FGD3: variants seen among roughly 807,000 people sequenced by gnomAD.
FGD3 encodes the protein FYVE, RhoGEF and PH domain containing 3.
Under a neutral mutation model 71.8 loss-of-function variants are expected in FGD3, and 45 were observed. The ratio of observed to expected loss-of-function variants is 0.63; its 90% CI spans 0.49 to 0.80. The LOEUF (loss-of-function observed/expected upper bound fraction) is 0.80, where lower values mean the gene tolerates loss of function less well. Among genes scored for constraint, FGD3 ranks in the 30% least tolerant of loss-of-function variants. The probability of loss-of-function intolerance (pLI) is 0.00; values close to 1 mark genes in which losing one functional copy is unlikely to be tolerated. For synonymous variants in FGD3, 378 were observed against 392.8 expected, an observed-to-expected ratio of 0.96 and a Z score of 0.44; for missense variants, 844 against 951.5, an observed-to-expected ratio of 0.89 and a Z score of 1.49.
chr9:93,006,419 C>T (rs898589154), intron 6 of FGD3, among the ~76,000 whole-genome samples: 3 of 152,150 alleles, frequency 2.0e-5, no homozygotes, highest in South Asian at 2.1e-4. Context: ...ATCGGAAAAT[C>T]GTGGCTCAAG....
intron 14 of FGD3, among the ~76,000 whole-genome samples, chr9:93,025,483 G>A (rs1445809996): frequency 2.6e-5 from 4 of 152,026 alleles, no homozygotes; most frequent in Non-Finnish European, 4.4e-5. Context: ...GGGTGAATGT[G>A]GTGTGATGGA....
chr9:93,015,906 C>T (rs879258916), intron 10 of FGD3, 77 bp downstream of exon 10: 161 of 1,300,654 alleles, frequency 1.2e-4, no homozygotes, highest in Non-Finnish European at 1.7e-4. Context: ...AGGCTCTGGC[C>T]GCTGAGGCAC....
chr9:93,028,214 A>G (rs200138501), intron 14 of FGD3, among the ~76,000 whole-genome samples: 949 of 88,688 alleles, frequency 0.011, 11 homozygotes, highest in African/African-American at 0.038. Context: ...ACACACACAC[A>G]CACGCACACA....
chr9:93,014,037 C>G, intron 9 of FGD3, 39 bp downstream of exon 9: 1 of 1,575,984 alleles, frequency 6.3e-7, no homozygotes, highest in Non-Finnish European at 8.6e-7. Context: ...CAGAGCCTCC[C>G]TTGCCATTTG....
intron 10 of FGD3, among the ~76,000 whole-genome samples, chr9:93,017,861 C>T (rs1239131034): frequency 7.0e-6 from 1 of 143,812 alleles, no homozygotes. Context: ...GGCTGGGTGT[C>T]GGGGGGGTGG....
intron 1 of FGD3, among the ~76,000 whole-genome samples, chr9:92,956,236 G>A (rs1046449395): frequency 1.3e-5 from 2 of 152,024 alleles, no homozygotes; most frequent in South Asian, 2.1e-4. Context: ...ATGCATTTTC[G>A]TTTCTGTTCT....
At chr9:93,002,869 T>C (rs1177185187) in intron 3 of FGD3, 56 bp from the exon 4 acceptor site, 69 of 1,571,836 alleles carry the variant, frequency 4.4e-5, no homozygotes, top group Non-Finnish European at 5.3e-5. Flanking sequence ...GCCCGTTAGG[T>C]GCCGATTCCC....
rs909640761 is a variant in FGD3, at chr9:93,003,437, T to A, written c.543+423T>A. Among the ~76,000 whole-genome samples, 1 of 152,158 alleles carries A rather than the reference T, an allele frequency of 6.6e-6. No individual in the cohort carries two copies. The highest frequency in any genetic ancestry group is 2.4e-5 in the African/African-American group (1 of 41,454). On this transcript the variant is annotated intron_variant, in intron 4 of 17. Transcript: ENST00000375482. The surrounding 1 kb of genome is among the most constrained non-coding windows in gnomAD (Gnocchi z 4.1). ...AGCCACCACGCCCGTCCTAGAAACT[T>A]ATTTTTTGTTTTCAGTGCTTGTAGC...
chr9:93,018,879 T>C (rs1033252471), intron 11 of FGD3, among the ~76,000 whole-genome samples: 1 of 151,962 alleles, frequency 6.6e-6, no homozygotes, highest in Non-Finnish European at 1.5e-5. Flanking sequence ...TGAGACGGAG[T>C]TTCGCTCCCA....
chr9:92,989,636 A>G (rs1287392809), intron 3 of FGD3, among the ~76,000 whole-genome samples: 1 of 152,220 alleles, frequency 6.6e-6, no homozygotes, highest in Non-Finnish European at 1.5e-5. Flanking sequence ...GGAGGGGAGA[A>G]AGGGAAGGTA....
In FGD3 at chr9:93,019,050, T is replaced by C. The variant is rs143961889; in HGVS notation, c.1356-781T>C. Among the ~76,000 whole-genome samples, 255 of 152,280 alleles carry C rather than the reference T, an allele frequency of 1.7e-3. 2 individuals carry two copies. Among genetic ancestry groups the C allele is most frequent in the African/African-American group, 5.9e-3 (245 of 41,566 alleles). On this transcript the variant is annotated intron_variant, in intron 11 of 17. Coordinates refer to ENST00000375482, the MANE Select transcript of FGD3 (RefSeq NM_001083536.2). ...GTGAAAACCCAACGGGGTTTCACCA[T>C]GTTGCCCAGGCTGGTCTCGAACTCT...
At chr9:92,966,068 C>T (rs543952929) in intron 1 of FGD3, among the ~76,000 whole-genome samples, 58 of 152,336 alleles carry the variant, frequency 3.8e-4, no homozygotes, top group Non-Finnish European at 6.9e-4. Flanking sequence ...CTGAGCCGGT[C>T]GGGAAGGAAA....
At chr9:92,994,072 A>G (rs1860531145) in intron 3 of FGD3, among the ~76,000 whole-genome samples, 1 of 152,208 alleles carries the variant, frequency 6.6e-6, no homozygotes, top group Non-Finnish European at 1.5e-5. Context: ...ACTAGTTTAC[A>G]GTCCCACCAA....
intron 6 of FGD3, among the ~76,000 whole-genome samples, chr9:93,007,647 C>G (rs982731950): frequency 6.6e-6 from 1 of 152,162 alleles, no homozygotes; most frequent in Non-Finnish European, 1.5e-5. Context: ...TGGGGACACT[C>G]GAGGCAGACA....
Position 93,003,968 on chromosome 9 carries a change from T to C in FGD3, c.544-33T>C. ...GGCAACTGTGCTCAGTGGAAGAGGC[T>C]CACTGGCCACACGTGGGCTTCTCTA... is the stretch of plus-strand genomic sequence containing the variant. On this transcript the variant is annotated intron_variant, in intron 4 of 17. Transcript: ENST00000375482. The surrounding 1 kb of genome is among the most constrained non-coding windows in gnomAD (Gnocchi z 4.1). The C allele has an allele frequency of 6.2e-7, 1 of 1,612,836 alleles. No individual in the cohort carries two copies. The highest frequency in any genetic ancestry group is 8.5e-7 in the Non-Finnish European group (1 of 1,179,386).
At chr9:92,956,031 T>C (rs1859044788) in intron 1 of FGD3, among the ~76,000 whole-genome samples, 1 of 152,214 alleles carries the variant, frequency 6.6e-6, no homozygotes, top group Admixed American at 6.5e-5. Flanking sequence ...GTCTGCATGT[T>C]CATTGCCAGT....
chr9:93,009,714 GGTACAC>G (rs1861223679), intron 6 of FGD3, among the ~76,000 whole-genome samples: 2 of 152,206 alleles, frequency 1.3e-5, no homozygotes, highest in Non-Finnish European at 2.9e-5. Flanking sequence ...AGCAGAGCTG[GGTACAC>G]GTGGAGCGCG....
rs368524080 is a variant in FGD3 at position 92,955,547 on chromosome 9, A to G, written c.-218+7818A>G. On this transcript the variant is annotated intron_variant, in intron 1 of 17. Coordinates refer to ENST00000375482, the MANE Select transcript of FGD3 (RefSeq NM_001083536.2). ...GTTTAATTAAACTTTTTATTTTGAA[A>G]TGACTGTATAGACACATAAGAGATA... Among the ~76,000 whole-genome samples, 86 of 152,318 alleles carry G rather than the reference A, an allele frequency of 5.6e-4. 1 individual carries two copies. The South Asian group carries it at 0.017, about 30-fold the overall frequency.
At chr9:93,017,120 T>C (rs797002137) in intron 10 of FGD3, among the ~76,000 whole-genome samples, 8 of 151,958 alleles carry the variant, frequency 5.3e-5, no homozygotes, top group African/African-American at 1.9e-4. Flanking sequence ...AATAAAAAAT[T>C]AGCCAGGCAT....
Sources: gnomAD v4.1 joint callset for allele counts (sites outside exome capture counted in the v4.1 genomes callset) on GRCh38, gnomAD v4.1.1 for gene constraint, Gnocchi (gnomAD v3.1) non-coding constraint, MANE v1.5 for transcripts, NCBI Gene and HGNC (gene_info 2026-07-23, HGNC 2026-07-21) for gene names.